Variants in CCDC180 observed in about 807,000 individuals in gnomAD.
The protein encoded by CCDC180 is coiled-coil domain containing 180.
In CCDC180, 154 loss-of-function variants were observed where a neutral mutation model predicts 209.2. The ratio of observed to expected loss-of-function variants is 0.74; its 90% CI spans 0.65 to 0.84. CCDC180 has a LOEUF of 0.84. Ranked by LOEUF, CCDC180 falls within the 40% of genes least tolerant of loss-of-function variation. CCDC180 has a pLI of 0.00. For synonymous variants in CCDC180, 778 were observed against 749.1 expected, an observed-to-expected ratio of 1.04 and a Z score of -0.63; for missense variants, 1,874 against 1,997.3, an observed-to-expected ratio of 0.94 and a Z score of 1.18.
chr9:97,316,916 C>A, intron 8 of CCDC180, 149 bp from the exon 9 acceptor site: 1 of 658,240 alleles, frequency 1.5e-6, no homozygotes, highest in Middle Eastern at 2.7e-4. Context: ...ACTGACCCCT[C>A]AGTCCCCTTC....
chr9:97,363,729 A>G (rs574358109), intron 28 of CCDC180: 44 of 510,088 alleles, frequency 8.6e-5, no homozygotes, highest in African/African-American at 6.8e-4. Context: ...CTGTGGCTCA[A>G]TGTTTTTTTT....
intron 19 of CCDC180, 41 bp downstream of exon 19, chr9:97,343,604 G>T: frequency 1.7e-5 from 23 of 1,319,724 alleles, no homozygotes; most frequent in Middle Eastern, 1.9e-4. Flanking sequence ...GTTGTTCTGA[G>T]TTTTGTAAAC....
chr9:97,317,759 G>A (rs1353131083), intron 9 of CCDC180, among the ~76,000 whole-genome samples: 1 of 152,134 alleles, frequency 6.6e-6, no homozygotes, highest in Non-Finnish European at 1.5e-5. Flanking sequence ...AAGGAAAAGT[G>A]TACCAAGGCC....
chr9:97,371,490 C>CT (rs1587837920), intron 33 of CCDC180, 105 bp from the exon 34 acceptor site: 1 of 617,276 alleles, frequency 1.6e-6, no homozygotes. Context: ...GATATAATGG[C>CT]TTGGGTCCCC....
At chr9:97,327,860 C>T (rs534693522) in intron 15 of CCDC180, among the ~76,000 whole-genome samples, 160 bp from the exon 16 acceptor site, 7 of 152,256 alleles carry the variant, frequency 4.6e-5, no homozygotes, top group Admixed American at 6.5e-5. Flanking sequence ...ATGTATTTCT[C>T]GTATGATCAG....
chr9:97,316,093 G>A (rs1194091120), intron 8 of CCDC180, among the ~76,000 whole-genome samples: 4 of 152,140 alleles, frequency 2.6e-5, no homozygotes, highest in African/African-American at 9.7e-5. Context: ...GATCAGCGAG[G>A]GCTCCTAAGT....
chr9:97,312,030 C>T, intron 3 of CCDC180, 83 bp from the exon 4 acceptor site: 1 of 1,181,596 alleles, frequency 8.5e-7, no homozygotes, highest in Admixed American at 1.7e-5. Context: ...TCTGGAGAAC[C>T]ACCCCTTGGT....
intron 1 of CCDC180, 37 bp downstream of exon 1, chr9:97,307,843 A>G (rs1832845206): frequency 6.2e-7 from 1 of 1,612,916 alleles, no homozygotes; most frequent in African/African-American, 1.3e-5. Context: ...TAAAACCCTA[A>G]GTCGACGTTC....
At chr9:97,312,028 A>G (rs1833003166) in intron 3 of CCDC180, 85 bp from the exon 4 acceptor site, 2 of 1,151,384 alleles carry the variant, frequency 1.7e-6, no homozygotes, top group Non-Finnish European at 2.6e-6. Flanking sequence ...CCTCTGGAGA[A>G]CCACCCCTTG....
At chr9:97,356,315 A>G (rs1826585538) in intron 24 of CCDC180, among the ~76,000 whole-genome samples, 1 of 152,154 alleles carries the variant, frequency 6.6e-6, no homozygotes, top group Non-Finnish European at 1.5e-5. Flanking sequence ...AGTTCGATAA[A>G]AGAAGTGTTT....
In CCDC180 at chr9:97,366,754, G is replaced by A; in HGVS notation, c.4189+54G>A. ...GAACAGGGCGGGGCGCGAAGCCAGT[G>A]GTGGAGCTCGGCCTTGGCCTTGTGG... is the stretch of plus-strand genomic sequence containing the variant. On this transcript the variant is annotated intron_variant, in intron 31 of 36. Coordinates refer to ENST00000529487, the MANE Select transcript of CCDC180 (RefSeq NM_020893.6). This position sits in a 1 kb window ranked among gnomAD's most constrained non-coding sequence, Gnocchi z 4.3. The A allele has an allele frequency of 6.3e-7, 1 of 1,588,630 alleles. No homozygotes were observed. Among genetic ancestry groups the A allele is most frequent in the Non-Finnish European group, 8.6e-7 (1 of 1,166,614 alleles).
rs1436751181 is a variant in CCDC180, at chr9:97,347,482, C to T, written c.2667C>T (p.Val889=). ...AQQIEKDIHN[V]RAAELLLHQE... ...AGATTGAAAAAGACATCCACAACGT[C>T]AGGGCAGGTACAGATGCTGCCTGGG... Residue 889 remains valine, a synonymous_variant, in exon 20 of 37, where the codon GTC becomes GTT. Coordinates refer to ENST00000529487, the MANE Select transcript of CCDC180 (RefSeq NM_020893.6). 1 of 1,536,050 alleles carries T rather than the reference C, an allele frequency of 6.5e-7. No individual in the cohort carries two copies. The highest frequency in any genetic ancestry group is 2.0e-5 in the Admixed American group (1 of 51,002).
rs1057181592 is a variant in CCDC180 at position 97,318,445 on chromosome 9, A to C, written c.960-18A>C. 22 of 1,612,702 alleles carry C rather than the reference A, an allele frequency of 1.4e-5. No individual in the cohort carries two copies. Among genetic ancestry groups the C allele is most frequent in the Non-Finnish European group, 1.8e-5 (21 of 1,179,404 alleles). On this transcript the variant is annotated intron_variant, in intron 9 of 36. Coordinates refer to ENST00000529487, the MANE Select transcript of CCDC180 (RefSeq NM_020893.6). ...CTCCTCCTCTCCCCTTTATGGTGCC[A>C]ACATGTCTGGCCACCAGTGAGTTCA...
At position 97,366,419 on chromosome 9, in the gene CCDC180, G is replaced by A. The variant is rs1826921037; in HGVS notation, c.4048-140G>A. The A allele has an allele frequency of 1.2e-6, 1 of 803,526 alleles. No individual in the cohort carries two copies. The highest frequency in any genetic ancestry group is 1.7e-5 in the African/African-American group (1 of 57,422). The allele number at this position is 803,526 out of a possible 1,614,324, so 49.8% of individuals were successfully genotyped here. On this transcript the variant is annotated intron_variant, in intron 30 of 36. Coordinates refer to ENST00000529487, the MANE Select transcript of CCDC180 (RefSeq NM_020893.6). The surrounding 1 kb of genome is among the most constrained non-coding windows in gnomAD (Gnocchi z 4.3). ...CACGGGCAGACAGGGAAGGAGGAGT[G>A]TCTGCTCGTGTCACTTCCACAGGGG...
At chr9:97,341,085 C>T (rs528485979) in intron 18 of CCDC180, among the ~76,000 whole-genome samples, 29 of 152,260 alleles carry the variant, frequency 1.9e-4, no homozygotes, top group African/African-American at 5.3e-4. Context: ...CTCTCTGCCT[C>T]GGCTGCCAGG....
At chr9:97,355,308 C>A (rs1826547082) in intron 24 of CCDC180, among the ~76,000 whole-genome samples, 1 of 152,110 alleles carries the variant, frequency 6.6e-6, no homozygotes, top group Non-Finnish European at 1.5e-5. Flanking sequence ...GCACACGCCA[C>A]CATGCCCAGC....
chr9:97,365,687 T>A lies in CCDC180; in HGVS notation c.3995T>A (p.Ile1332Asn). 1 of 1,614,066 alleles carries A rather than the reference T, an allele frequency of 6.2e-7. No individual in the cohort carries two copies. Among genetic ancestry groups the A allele is most frequent in the Non-Finnish European group, 8.5e-7 (1 of 1,179,984 alleles). Residue 1332 changes from isoleucine to asparagine, a missense_variant, in exon 30 of 37, where the codon ATC becomes AAC. Ile to Asn is a moderately radical substitution (Grantham distance 149). Transcript: ENST00000529487. The stretch of plus-strand genomic sequence containing the variant: ...GTGTGTTGCAGGGATTTTAAGGGGA[T>A]CATCTTGACCCTCCTCTGGGAGAGC... ...PPPAAEDFKG[I>N]ILTLLWESSE...
chr9:97,370,897 TG>T, intron 33 of CCDC180, 119 bp downstream of exon 33: 3 of 1,075,962 alleles, frequency 2.8e-6, no homozygotes, highest in Non-Finnish European at 3.9e-6. Context: ...GGCATGATCG[TG>T]GTTGGGTTTT....
At chr9:97,322,592 C>T (rs1385297260) in intron 11 of CCDC180, among the ~76,000 whole-genome samples, 1 of 152,210 alleles carries the variant, frequency 6.6e-6, no homozygotes, top group African/African-American at 2.4e-5. Context: ...GAAACCGAGT[C>T]AAGAATTAGG....
Sources: allele counts gnomAD v4.1 joint callset (sites outside exome capture counted in the v4.1 genomes callset), GRCh38; gene constraint gnomAD v4.1.1; non-coding constraint Gnocchi (gnomAD v3.1); transcripts MANE v1.5; gene names NCBI Gene and HGNC (gene_info 2026-07-23, HGNC 2026-07-21).